CLDN16: variants seen among roughly 807,000 people sequenced by gnomAD.
CLDN16 encodes claudin 16, also known as claudin-16.
Under a neutral mutation model 24.6 loss-of-function variants are expected in CLDN16, and 13 were observed. The observed-to-expected ratio is 0.53, with a 90% CI of 0.34 to 0.84. CLDN16 has a LOEUF of 0.84. CLDN16 is among the 40% of genes least tolerant of loss of function. CLDN16 has a pLI of 0.01. For synonymous variants in CLDN16, 116 were observed against 106.7 expected, an observed-to-expected ratio of 1.09 and a Z score of -0.54; for missense variants, 298 against 292.7, an observed-to-expected ratio of 1.02 and a Z score of -0.13.
chr3:190,309,898 AAAAC>A, the CLDN16 span, among the ~76,000 whole-genome samples: 2 of 152,234 alleles, frequency 1.3e-5, no homozygotes, highest in South Asian at 4.1e-4. Context: ...AATATTTGAA[AAAAC>A]AAACAAAAGA....
At chr3:190,325,620 A>G (rs1560078601) in intron 1 of CLDN16, among the ~76,000 whole-genome samples, 1 of 152,220 alleles carries the variant, frequency 6.6e-6, no homozygotes, top group Non-Finnish European at 1.5e-5. Context: ...ATATACACAT[A>G]AAAGACAGAA....
rs1719286019 is a variant in CLDN16, at chr3:190,411,491, AC to A, written c.*1458del. On this transcript the variant is annotated 3_prime_UTR_variant, in exon 5 of 5. Transcript: ENST00000264734. ...TTAATAACATTAGTACCTTTATGGT[AC>A]CCTTGCAGTACCTGAAAAGAATATC... 1 of 152,104 alleles carries A rather than the reference AC, an allele frequency of 6.6e-6. No homozygotes were observed. The highest frequency in any genetic ancestry group is 2.4e-5 in the African/African-American group (1 of 41,426). The allele number at this position is 152,104 out of a possible 1,614,324, so 9.4% of individuals were successfully genotyped here.
At chr3:190,298,643 C>T in the CLDN16 span, among the ~76,000 whole-genome samples, 1 of 151,996 alleles carries the variant, frequency 6.6e-6, no homozygotes, top group East Asian at 1.9e-4. Context: ...TTAGTAGAAA[C>T]AGGGTTTCTC....
the CLDN16 span, among the ~76,000 whole-genome samples, chr3:190,302,410 G>A: frequency 6.6e-6 from 1 of 152,124 alleles, no homozygotes; most frequent in African/African-American, 2.4e-5. Flanking sequence ...TGGCTGCTGG[G>A]TTGCACAACT....
At chr3:190,326,631 T>C (rs538090989) in intron 1 of CLDN16, among the ~76,000 whole-genome samples, 1 of 152,212 alleles carries the variant, frequency 6.6e-6, no homozygotes, top group Admixed American at 6.5e-5. Flanking sequence ...CTGTAGAGGG[T>C]AATGAGAGAA....
At chr3:190,346,431 GT>G (rs1303749420) in intron 1 of CLDN16, among the ~76,000 whole-genome samples, 1 of 152,068 alleles carries the variant, frequency 6.6e-6, no homozygotes, top group Non-Finnish European at 1.5e-5. Flanking sequence ...TCATATTTGC[GT>G]TTTAACAGTT....
At chr3:190,310,778 A>G in the CLDN16 span, among the ~76,000 whole-genome samples, 1 of 152,162 alleles carries the variant, frequency 6.6e-6, no homozygotes, top group African/African-American at 2.4e-5. Flanking sequence ...CTACTGCCCC[A>G]TTGGCCAAGG....
chr3:190,303,115 G>T, the CLDN16 span, among the ~76,000 whole-genome samples: 59 of 151,828 alleles, frequency 3.9e-4, no homozygotes, highest in African/African-American at 1.3e-3. Context: ...AATACATATT[G>T]TGGTAAAAAA....
chr3:190,376,994 A>C (rs75975361), intron 3 of CLDN16, among the ~76,000 whole-genome samples: 4,310 of 152,036 alleles, frequency 0.028, 98 homozygotes, highest in Admixed American at 0.04. Flanking sequence ...GTCTAGACAG[A>C]GGCAGAGAAG....
At chr3:190,392,571 A>G (rs912429981) in intron 1 of CLDN16, among the ~76,000 whole-genome samples, 3 of 152,180 alleles carry the variant, frequency 2.0e-5, no homozygotes, top group East Asian at 1.9e-4. Context: ...TGTAGCACAC[A>G]CTATGATAAT....
chr3:190,302,051 T>G, the CLDN16 span, among the ~76,000 whole-genome samples: 1 of 152,222 alleles, frequency 6.6e-6, no homozygotes, highest in Admixed American at 6.5e-5. Context: ...CTAGCTTACT[T>G]CATTGCAGCT....
chr3:190,316,927 A>C, the CLDN16 span, among the ~76,000 whole-genome samples: 1 of 152,228 alleles, frequency 6.6e-6, no homozygotes, highest in Non-Finnish European at 1.5e-5. Context: ...TGATAACTAG[A>C]AACTCATGCA....
chr3:190,305,244 T>C, the CLDN16 span, among the ~76,000 whole-genome samples: 1 of 152,196 alleles, frequency 6.6e-6, no homozygotes, highest in East Asian at 1.9e-4. Context: ...TAAGGTTGTG[T>C]CAGTTATTGA....
At chr3:190,322,694 C>T (rs893107199) in intron 1 of CLDN16, 1 of 214,084 alleles carries the variant, frequency 4.7e-6, no homozygotes, top group African/African-American at 2.4e-5. Flanking sequence ...TTCATTCACT[C>T]CAATTATCCA....
intron 3 of CLDN16, among the ~76,000 whole-genome samples, chr3:190,408,065 T>C (rs1408732857): frequency 6.6e-6 from 1 of 152,186 alleles, no homozygotes; most frequent in African/African-American, 2.4e-5. Flanking sequence ...TTTACACAGA[T>C]AAGCACTGTG....
intron 1 of CLDN16, among the ~76,000 whole-genome samples, chr3:190,328,129 A>C (rs1051020212): frequency 6.6e-6 from 1 of 150,892 alleles, no homozygotes; most frequent in Non-Finnish European, 1.5e-5. Context: ...AAAAAAAAAA[A>C]AATAGCTAGA....
At chr3:190,306,295 A>T in the CLDN16 span, 1 of 152,208 alleles carries the variant, frequency 6.6e-6, no homozygotes, top group Non-Finnish European at 1.5e-5. Flanking sequence ...AGAAGATAAG[A>T]CTTCCTCAGA....
At chr3:190,390,688 T>A (rs1185285632) in intron 1 of CLDN16, among the ~76,000 whole-genome samples, 1 of 152,176 alleles carries the variant, frequency 6.6e-6, no homozygotes, top group East Asian at 1.9e-4. Context: ...TTCCACAAAT[T>A]TGAAGGTTCT....
At chr3:190,320,120 A>G (rs796793587), upstream of CLDN16, among the ~76,000 whole-genome samples, 4 of 152,364 alleles carry the variant, frequency 2.6e-5, no homozygotes, top group African/African-American at 9.6e-5. Flanking sequence ...AAAAACTGTA[A>G]TAACTACATT....
Sources: allele counts gnomAD v4.1 joint callset (sites outside exome capture counted in the v4.1 genomes callset), GRCh38; gene constraint gnomAD v4.1.1; transcripts MANE v1.5; gene names NCBI Gene and HGNC (gene_info 2026-07-23, HGNC 2026-07-21).